Variants in CAMK1D observed in about 807,000 individuals in gnomAD.
The protein encoded by CAMK1D is calcium/calmodulin-dependent protein kinase type 1D.
Under a neutral mutation model 47.7 loss-of-function variants are expected in CAMK1D, and 9 were observed. The observed-to-expected ratio is 0.19, with a 90% CI of 0.11 to 0.33. CAMK1D has a LOEUF of 0.33. Ranked by LOEUF, CAMK1D falls within the 10% of genes least tolerant of loss-of-function variation. CAMK1D has a pLI of 1.00. For synonymous variants in CAMK1D, 184 were observed against 184.9 expected (o/e 0.99, Z 0.04); for missense variants, 291 against 488.7 (o/e 0.60, Z 3.81).
At chr10:12,372,992 T>A (rs998287109) in intron 1 of CAMK1D, among the ~76,000 whole-genome samples, 1 of 152,164 alleles carries the variant, frequency 6.6e-6, no homozygotes, top group Non-Finnish European at 1.5e-5. Flanking sequence ...AACGGAATTG[T>A]TTTTCTGGTA....
chr10:12,388,541 A>G (rs1356418324), intron 1 of CAMK1D, among the ~76,000 whole-genome samples: 1 of 152,186 alleles, frequency 6.6e-6, no homozygotes, highest in Non-Finnish European at 1.5e-5. Context: ...TGTTTTTGGC[A>G]GTCTGAGTGT....
intron 8 of CAMK1D, among the ~76,000 whole-genome samples, chr10:12,821,331 C>T (rs914884734): frequency 9.9e-5 from 15 of 152,192 alleles, no homozygotes; most frequent in East Asian, 1.9e-4. Context: ...ATCTGGGTAC[C>T]GTGGCCTAGC....
chr10:12,525,017 G>A (rs1835572751), intron 1 of CAMK1D, among the ~76,000 whole-genome samples: 1 of 151,976 alleles, frequency 6.6e-6, no homozygotes, highest in South Asian at 2.1e-4. Flanking sequence ...GACTTTCATT[G>A]GATAGAATTT....
chr10:12,406,926 C>CGT (rs1839452056), intron 1 of CAMK1D, among the ~76,000 whole-genome samples: 1 of 152,056 alleles, frequency 6.6e-6, no homozygotes, highest in Non-Finnish European at 1.5e-5. Flanking sequence ...ATCGAGGCCA[C>CGT]CTAGGGTGAC....
At chr10:12,380,726 C>T (rs745448721) in intron 1 of CAMK1D, among the ~76,000 whole-genome samples, 17 of 152,018 alleles carry the variant, frequency 1.1e-4, no homozygotes, top group Non-Finnish European at 2.5e-4. Flanking sequence ...CATGGGGTCA[C>T]GTGCCTGTAG....
At chr10:12,699,099 A>G (rs373306897) in intron 3 of CAMK1D, among the ~76,000 whole-genome samples, 4 of 152,124 alleles carry the variant, frequency 2.6e-5, no homozygotes, top group Non-Finnish European at 4.4e-5. Context: ...GATGAGAGGA[A>G]TGAGCAGGAG....
chr10:12,450,580 G>T (rs1010825663), intron 1 of CAMK1D, among the ~76,000 whole-genome samples: 1 of 152,200 alleles, frequency 6.6e-6, no homozygotes, highest in Non-Finnish European at 1.5e-5. Flanking sequence ...TGTAGATTGG[G>T]CAGCTCACAC....
chr10:12,789,743 A>G (rs1837894854), intron 5 of CAMK1D, among the ~76,000 whole-genome samples: 1 of 152,230 alleles, frequency 6.6e-6, no homozygotes, highest in African/African-American at 2.4e-5. Context: ...CTTCCTGTCA[A>G]GGATTGTTGG....
rs570643861 is a variant in CAMK1D at position 12,390,641 on chromosome 10, C to T, written c.92+40731C>T. On this transcript the variant is annotated intron_variant, in intron 1 of 10. Transcript: ENST00000619168. ...CAGGGCCAGGGCTAACCATGAGCTCCGGGACTTGTGCAGCCTGCCTGTTTC... is the reference window on the plus strand; with the variant it reads ...CAGGGCCAGGGCTAACCATGAGCTCTGGGACTTGTGCAGCCTGCCTGTTTC... 3.3e-5 allele frequency among the ~76,000 whole-genome samples: 5 copies of T among 152,274 alleles called. No individual in the cohort carries two copies. The East Asian group carries it at 7.7e-4, about 23-fold the overall frequency.
At position 12,407,904 on chromosome 10, in the gene CAMK1D, C is replaced by G. The variant is rs188701581; in HGVS notation, c.92+57994C>G. ...AGAGACTCTCACTCTGTCACCCAGG[C>G]TGGAGTGCAGTGGTGCAATCTTGGC... On this transcript the variant is annotated intron_variant, in intron 1 of 10. Transcript: ENST00000619168. Among the ~76,000 whole-genome samples, 20 of 138,430 alleles carry G rather than the reference C, an allele frequency of 1.4e-4. No homozygotes were observed. In the East Asian group the frequency reaches 4.3e-3, roughly 30 times the overall value. The allele number at this position is 138,430 out of a possible 152,430, so 90.8% of individuals were successfully genotyped here.
chr10:12,564,147 G>GTCTGTC (rs1837046828), intron 2 of CAMK1D, among the ~76,000 whole-genome samples: 8 of 139,618 alleles, frequency 5.7e-5, no homozygotes, highest in Admixed American at 1.4e-4. Context: ...CTCTCTCTCT[G>GTCTGTC]TCTCTCTCTC....
intron 1 of CAMK1D, among the ~76,000 whole-genome samples, chr10:12,491,242 G>A (rs1311795504): frequency 6.6e-6 from 1 of 152,060 alleles, no homozygotes; most frequent in Non-Finnish European, 1.5e-5. Context: ...GGGAACATTT[G>A]GCTGTGCTGT....
chr10:12,734,943 A>G (rs1384103459), intron 3 of CAMK1D, among the ~76,000 whole-genome samples: 1 of 152,198 alleles, frequency 6.6e-6, no homozygotes, highest in Non-Finnish European at 1.5e-5. Flanking sequence ...AACATTCAGT[A>G]AGCATTTGTT....
At chr10:12,577,847 A>T (rs889766056) in intron 2 of CAMK1D, among the ~76,000 whole-genome samples, 23 of 152,142 alleles carry the variant, frequency 1.5e-4, no homozygotes, top group Non-Finnish European at 3.4e-4. Flanking sequence ...CCTCCTTGTT[A>T]CCTTTGCTAA....
At chr10:12,545,944 C>A (rs986752489) in intron 1 of CAMK1D, among the ~76,000 whole-genome samples, 1 of 152,144 alleles carries the variant, frequency 6.6e-6, no homozygotes, top group Admixed American at 6.5e-5. Flanking sequence ...ACTAGCTGTT[C>A]AGCGGTGTGG....
chr10:12,488,515 G>T (rs142505655), intron 1 of CAMK1D, among the ~76,000 whole-genome samples: 1 of 152,254 alleles, frequency 6.6e-6, no homozygotes, highest in East Asian at 1.9e-4. Context: ...AAATGTTTCC[G>T]TGGACTGGGA....
At chr10:12,810,264 G>T (rs1832547756) in intron 6 of CAMK1D, among the ~76,000 whole-genome samples, 1 of 141,286 alleles carries the variant, frequency 7.1e-6, no homozygotes, top group Non-Finnish European at 1.5e-5. Context: ...GGCTGGTACT[G>T]CCCTAGCACC....
In CAMK1D at chr10:12,471,672, G is replaced by C. The variant is rs369244286; in HGVS notation, c.93-81553G>C. Among the ~76,000 whole-genome samples, 60 of 152,258 alleles carry C rather than the reference G, an allele frequency of 3.9e-4. 1 individual carries two copies. The South Asian group carries it at 0.012, about 30-fold the overall frequency. On this transcript the variant is annotated intron_variant, in intron 1 of 10. Coordinates refer to ENST00000619168, the MANE Select transcript of CAMK1D (RefSeq NM_153498.4). ...CACTGAGCTCCCTGCCTGCAGAATGGATCTGATTTCTTCCTTTCCTGCGAG... is the reference window on the plus strand; with the variant it reads ...CACTGAGCTCCCTGCCTGCAGAATGCATCTGATTTCTTCCTTTCCTGCGAG...
chr10:12,434,714 G>T (rs185495653), intron 1 of CAMK1D, among the ~76,000 whole-genome samples: 116 of 152,288 alleles, frequency 7.6e-4, no homozygotes, highest in African/African-American at 2.5e-3. Flanking sequence ...TACTCTGAAC[G>T]GTGTGTAAAT....
Sources: allele counts gnomAD v4.1 joint callset (sites outside exome capture counted in the v4.1 genomes callset), GRCh38; gene constraint gnomAD v4.1.1; transcripts MANE v1.5; gene names NCBI Gene and HGNC (gene_info 2026-07-23, HGNC 2026-07-21).